MYH1: variants seen among roughly 807,000 people sequenced by gnomAD.
MYH1 encodes myosin-1.
Under a neutral mutation model 225.6 loss-of-function variants are expected in MYH1, and 214 were observed. That is an observed-to-expected ratio of 0.95 (90% confidence interval 0.85 to 1.06). The LOEUF (loss-of-function observed/expected upper bound fraction) is 1.06, where lower values mean the gene tolerates loss of function less well. Among genes scored for constraint, MYH1 ranks in the 50% least tolerant of loss-of-function variants. The probability of loss-of-function intolerance (pLI) is 0.00; values close to 1 mark genes in which losing one functional copy is unlikely to be tolerated. For missense variants in MYH1, 2,098 were observed against 2,344.2 expected, an observed-to-expected ratio of 0.89 and a Z score of 2.17; for synonymous variants, 774 against 842.3, an observed-to-expected ratio of 0.92 and a Z score of 1.40.
chr17:10,499,086 T>G lies in MYH1; in HGVS notation c.3872A>C (p.Tyr1291Ser). The change falls in exon 29 of 40, where the codon TAT (tyrosine) becomes TCT (serine). Residue 1291 changes from tyrosine to serine, a missense_variant. Coordinates refer to ENST00000226207, the MANE Select transcript of MYH1 (RefSeq NM_005963.4). Reference sequence around the variant, plus strand: ...GTCCTTTTCATCTAGCTGGCGTGAATATTCACCTGTAAAAGACCAAGTCCA... The same window carrying G: ...GTCCTTTTCATCTAGCTGGCGTGAAGATTCACCTGTAAAAGACCAAGTCCA... ...RARLQTESGE[Y>S]SRQLDEKDTL... The G allele has an allele frequency of 6.2e-7, 1 of 1,610,524 alleles. No individual in the cohort carries two copies. Among genetic ancestry groups the G allele is most frequent in the Non-Finnish European group, 8.5e-7 (1 of 1,177,150 alleles).
chr17:10,510,190 T>G (rs1480465227), intron 14 of MYH1, among the ~76,000 whole-genome samples: 1 of 152,170 alleles, frequency 6.6e-6, no homozygotes, highest in Non-Finnish European at 1.5e-5. Context: ...AGTATTTGTT[T>G]TTGTTAGTCA....
chr17:10,507,910 GA>G lies in MYH1; in HGVS notation c.1943del (p.Phe648SerfsTer12), dbSNP rs762633974. ...KKGGKKKGSS[F>X]QTVSALFREN... Reference sequence around the variant, plus strand: ...CCCTGAAGAGAGCAGACACAGTCTGGAAAGAAGAACCCTTCTTCTTACCACC... The same window carrying G: ...CCCTGAAGAGAGCAGACACAGTCTGGAAGAAGAACCCTTCTTCTTACCACC... On this transcript the variant is annotated frameshift_variant, in exon 17 of 40. Transcript: ENST00000226207. LOFTEE classifies it high-confidence loss of function. 1.9e-6 allele frequency: 3 copies of G among 1,613,484 alleles called. No individual in the cohort carries two copies. The South Asian group carries it at 3.3e-5, about 18-fold the overall frequency.
At chr17:10,497,567 A>C in intron 31 of MYH1, 115 bp from the exon 32 acceptor site, 2 of 1,485,102 alleles carry the variant, frequency 1.3e-6, no homozygotes, top group East Asian at 2.4e-5. Context: ...AAAATTATGA[A>C]TGAGAAGAAT....
rs1567723933 is a variant in MYH1, at chr17:10,516,456, T to TAGC, written c.184_186dup (p.Ala62dup). On this transcript the variant is annotated inframe_insertion, in exon 3 of 40. Coordinates refer to ENST00000226207, the MANE Select transcript of MYH1 (RefSeq NM_005963.4). ...TTACTCACAGCTCCAGCTTCGGTCT[T>TAGC]AGCTGTCACCTTCCCCCCTTCCCTG... is the stretch of plus-strand genomic sequence containing the variant. The TAGC allele has an allele frequency of 6.2e-7, 1 of 1,614,220 alleles. No homozygotes were observed. Among genetic ancestry groups the TAGC allele is most frequent in the East Asian group, 2.2e-5 (1 of 44,876 alleles).
At chr17:10,508,715 G>T (rs375928529) in intron 15 of MYH1, 43 bp from the exon 16 acceptor site, 1 of 1,592,932 alleles carries the variant, frequency 6.3e-7, no homozygotes, top group African/African-American at 1.4e-5. Flanking sequence ...AATTCTGTCT[G>T]CTTATAGAAA....
In MYH1 at chr17:10,516,438, C is replaced by T; in HGVS notation, c.204+1G>A. The T allele has an allele frequency of 6.2e-7, 1 of 1,614,246 alleles. No homozygotes were observed. The highest frequency in any genetic ancestry group is 8.5e-7 in the Non-Finnish European group (1 of 1,180,052). ...AATCAGCTCCAGGTGTTTTTACTCA[C>T]AGCTCCAGCTTCGGTCTTAGCTGTC... On this transcript the variant is annotated splice_donor_variant, in intron 3 of 39. Coordinates refer to ENST00000226207, the MANE Select transcript of MYH1 (RefSeq NM_005963.4). LOFTEE classifies it high-confidence loss of function.
chr17:10,493,486 A>C (rs752585739), intron 39 of MYH1, among the ~76,000 whole-genome samples: 14 of 152,242 alleles, frequency 9.2e-5, no homozygotes, highest in Non-Finnish European at 1.8e-4. Flanking sequence ...TTTGATTATT[A>C]ATCCAGATGA....
chr17:10,503,389 A>T, intron 22 of MYH1, 141 bp from the exon 23 acceptor site: 1 of 1,220,990 alleles, frequency 8.2e-7, no homozygotes, highest in Non-Finnish European at 1.1e-6. Context: ...TTCAGTAAAT[A>T]TTGGGCACTT....
Position 10,508,679 on chromosome 17 carries a change from G to A in MYH1, c.1588-7C>T. On this transcript the variant is annotated splice_polypyrimidine_tract_variant and splice_region_variant and intron_variant, in intron 15 of 39. Coordinates refer to ENST00000226207, the MANE Select transcript of MYH1 (RefSeq NM_005963.4). The stretch of plus-strand genomic sequence containing the variant: ...TGGAGAAGATGCCCATAGGCTGGAA[G>A]AATGAAAAGAAATAAATGCCACTTG... 6.2e-7 allele frequency: 1 copy of A among 1,612,992 alleles called. No individual in the cohort carries two copies.
At position 10,496,483 on chromosome 17, in the gene MYH1, C is replaced by T. The variant is rs1311243126; in HGVS notation, c.4723G>A (p.Glu1575Lys). ...TTTTCAGCAATTTTCCTATCAACCT[C>T]AGACTTGACTTGGTTCAACTCAAGC... ...IQLELNQVKS[E>K]VDRKIAEKDE... is the part of the protein sequence containing the mutation. Residue 1575 changes from glutamate to lysine, a missense_variant, in exon 34 of 40, where the codon GAG becomes AAG. Coordinates refer to ENST00000226207, the MANE Select transcript of MYH1 (RefSeq NM_005963.4). The T allele has an allele frequency of 1.2e-6, 2 of 1,614,128 alleles. No homozygotes were observed. The highest frequency in any genetic ancestry group is 1.1e-5 in the South Asian group (1 of 91,070).
In MYH1 at chr17:10,515,999, T is replaced by C. The variant is rs370236295; in HGVS notation, c.432A>G (p.Arg144=). ...VYNAEVVTAY[R]GKKRQEAPPH... is the part of the protein sequence containing the mutation. ...GTGGGGCCTCCTGGCGCTTTTTGCC[T>C]CGGTAGGCTGTCACCACCTCTGCAT... The change falls in exon 5 of 40, where the codon CGA becomes CGG. Residue 144 remains arginine (R), a synonymous_variant. Coordinates refer to ENST00000226207, the MANE Select transcript of MYH1 (RefSeq NM_005963.4). The C allele has an allele frequency of 6.2e-7, 1 of 1,614,038 alleles. No individual in the cohort carries two copies. Among genetic ancestry groups the C allele is most frequent in the Non-Finnish European group, 8.5e-7 (1 of 1,180,024 alleles).
Position 10,505,420 on chromosome 17 carries a change from C to A in MYH1, c.2266G>T (p.Asp756Tyr). The A allele has an allele frequency of 6.2e-7, 1 of 1,614,192 alleles. No homozygotes were observed. Among genetic ancestry groups the A allele is most frequent in the Non-Finnish European group, 8.5e-7 (1 of 1,180,040 alleles). ...SEKLLGSIDI[D>Y]HTQYKFGHTK... is the part of the protein sequence containing the mutation. The stretch of plus-strand genomic sequence containing the variant: ...TGACCAAATTTATACTGGGTGTGGT[C>A]AATGTCAATGGACCCCAGGAGCTTC... The change falls in exon 20 of 40, where the codon GAC (aspartate) becomes TAC (tyrosine). Residue 756 changes from aspartate (D) to tyrosine (Y), a missense_variant. Physicochemically the swap from Asp to Tyr is radical, Grantham distance 160 (BLOSUM62 -3). Transcript: ENST00000226207.
In MYH1 at chr17:10,505,210, G is replaced by A. The variant is rs2142267470; in HGVS notation, c.2388C>T (p.Cys796=). The A allele has an allele frequency of 1.2e-6, 2 of 1,614,200 alleles. No individual in the cohort carries two copies. The highest frequency in any genetic ancestry group is 1.3e-5 in the African/African-American group (1 of 75,046). ...ACTCCACTCTTGCCAAGAACCCTCT[G>A]CACATGGCCTGGGTTCGGGTAATCA... ...AQLITRTQAM[C]RGFLARVEYQ... is the part of the protein sequence containing the mutation. The change falls in exon 21 of 40, where the codon TGC becomes TGT. Residue 796 remains cysteine (C), a synonymous_variant. Coordinates refer to ENST00000226207, the MANE Select transcript of MYH1 (RefSeq NM_005963.4).
chr17:10,494,470 G>A, intron 38 of MYH1, 21 bp from the exon 39 acceptor site: 16 of 1,610,722 alleles, frequency 9.9e-6, no homozygotes, highest in East Asian at 2.2e-5. Context: ...GTTTTCAAGA[G>A]TAAGTTTCTT....
rs1825286196 is a variant in MYH1, at chr17:10,509,583, A to C, written c.1489T>G (p.Phe497Val). The C allele has an allele frequency of 6.2e-7, 1 of 1,614,100 alleles. No individual in the cohort carries two copies. The highest frequency in any genetic ancestry group is 1.3e-5 in the African/African-American group (1 of 74,924). The part of the protein sequence containing the change: ...KLQQFFNHHM[F>V]VLEQEEYKKE... ...TTGTACTCCTCCTGCTCCAGCACGA[A>C]CATGTGGTGGTTGAAAAACTGTTGC... The change falls in exon 15 of 40, where the codon TTC (phenylalanine) becomes GTC (valine). Residue 497 changes from phenylalanine (F) to valine (V), a missense_variant. By Grantham distance (50) the Phe-to-Val change is conservative. Transcript: ENST00000226207.
Position 10,502,780 on chromosome 17 carries a change from G to C in MYH1, c.3069C>G (p.Thr1023=). 1 of 1,614,016 alleles carries C rather than the reference G, an allele frequency of 6.2e-7. No homozygotes were observed. Residue 1023 remains threonine (T), a synonymous_variant, in exon 24 of 40, where the codon ACC becomes ACG. Transcript: ENST00000226207. ...CAAGTTTGATTTTAGCTTTGGTCAG[G>C]GTGTTGACTTTGTCCTCCTCTGCCT... ...DLQAEEDKVN[T]LTKAKIKLEQ...
chr17:10,497,558 A>C, intron 31 of MYH1, 106 bp from the exon 32 acceptor site: 1 of 1,494,778 alleles, frequency 6.7e-7, no homozygotes, highest in South Asian at 1.4e-5. Flanking sequence ...GACTGAAAAA[A>C]AATTATGAAT....
rs770764395 is a variant in MYH1 at position 10,494,436 on chromosome 17, C to A, written c.5585G>T (p.Arg1862Leu). 1.7e-5 allele frequency: 28 copies of A among 1,613,796 alleles called. No individual in the cohort carries two copies. The highest frequency in any genetic ancestry group is 2.3e-5 in the Non-Finnish European group (27 of 1,179,976). The change falls in exon 39 of 40, where the codon CGC (arginine) becomes CTC (leucine). Residue 1862 changes from arginine to leucine, a missense_variant. By Grantham distance (102) the Arg-to-Leu change is moderately radical. Transcript: ENST00000226207. The stretch of plus-strand genomic sequence containing the variant: ...GTCCTGGAGCCTGAGAATATTCTTG[C>A]GGTCTTCCTCAGTCTGAAATAATGT... ...KELTYQTEED[R>L]KNILRLQDLV...
At position 10,504,994 on chromosome 17, in the gene MYH1, A is replaced by G; in HGVS notation, c.2507T>C (p.Leu836Pro). Residue 836 changes from leucine to proline, a missense_variant, in exon 22 of 40, where the codon CTG becomes CCG. Physicochemically the swap from Leu to Pro is moderately conservative, Grantham distance 98 (BLOSUM62 -3). Transcript: ENST00000226207. ...MNVKHWPWMK[L>P]YFKIKPLLKS... ...GAGGAGGGGTTTGATCTTGAAATAC[A>G]GCTTCATCCAGGGCCAGTGCTTCAC... The G allele has an allele frequency of 6.2e-7, 1 of 1,614,202 alleles. No individual in the cohort carries two copies. Among genetic ancestry groups the G allele is most frequent in the Non-Finnish European group, 8.5e-7 (1 of 1,180,044 alleles).
Sources: gnomAD v4.1 joint callset for allele counts (sites outside exome capture counted in the v4.1 genomes callset) on GRCh38, gnomAD v4.1.1 for gene constraint, MANE v1.5 for transcripts, NCBI Gene and HGNC (gene_info 2026-07-23, HGNC 2026-07-21) for gene names.